AVIL: variants seen among roughly 807,000 people sequenced by gnomAD.
AVIL encodes advillin.
AVIL carries 78 observed loss-of-function variants against 109.9 expected under a neutral mutation model. That is an observed-to-expected ratio of 0.71 (90% CI 0.59 to 0.86). AVIL has a LOEUF of 0.86. AVIL is among the 40% of genes least tolerant of loss of function. The pLI is 0.00. For synonymous variants in AVIL, 367 were observed against 379.1 expected, an observed-to-expected ratio of 0.97 and a Z score of 0.37; for missense variants, 892 against 1,016.5, an observed-to-expected ratio of 0.88 and a Z score of 1.67.
chr12:57,808,406 A>G lies in AVIL; in HGVS notation c.1082T>C (p.Ile361Thr), dbSNP rs553609562. The change falls in exon 10 of 20, where the codon ATT becomes ACT. Residue 361 changes from isoleucine to threonine, a missense_variant. By Grantham distance (89) the Ile-to-Thr change is moderately conservative. Coordinates refer to ENST00000549994, the MANE Select transcript of AVIL (RefSeq NM_006576.4). ...GGGGGCAGTCTCACCAATTTTACCA[A>G]TGCTGAACGTTTTCCCCAGGCCCAT... ...QTMGLGKTFSIGKIAKVFQDK... is the reference protein window; with the variant it reads ...QTMGLGKTFSTGKIAKVFQDK... 25 of 1,614,142 alleles carry G rather than the reference A, an allele frequency of 1.5e-5. No homozygotes were observed. The highest frequency in any genetic ancestry group is 4.0e-5 in the African/African-American group (3 of 75,028).
intron 19 of AVIL, 30 bp downstream of exon 19, chr12:57,799,764 TC>T (rs1238003397): frequency 5.6e-6 from 9 of 1,612,800 alleles, no homozygotes; most frequent in Non-Finnish European, 6.8e-6. Context: ...GAGCTCCACT[TC>T]CAACAGACAC....
rs1282104924 is a variant in AVIL, at chr12:57,813,253, GAA to G, written c.310_311del (p.Phe104ProfsTer57). ...REVQYHESDT[F>X]RGYFKQGIIY... ...TGATGCCCTGCTTGAAGTAGCCACG[GAA>G]AGTGTCTGACTCATGGTACTGGACC... On this transcript the variant is annotated frameshift_variant, in exon 4 of 20. Transcript: ENST00000549994. LOFTEE classifies it high-confidence loss of function. 6.2e-7 allele frequency: 1 copy of G among 1,613,320 alleles called. No individual in the cohort carries two copies. Among genetic ancestry groups the G allele is most frequent in the Non-Finnish European group, 8.5e-7 (1 of 1,179,568 alleles).
intron 14 of AVIL, 84 bp downstream of exon 14, chr12:57,806,276 G>A (rs753933019): frequency 8.0e-6 from 12 of 1,497,742 alleles, no homozygotes; most frequent in Non-Finnish European, 1.1e-5. Flanking sequence ...CCTACTCTAG[G>A]TCCTTTGACC....
rs778577557 is a variant in AVIL, at chr12:57,803,504, G to T, written c.1817+20C>A. 2 of 1,614,106 alleles carry T rather than the reference G, an allele frequency of 1.2e-6. No individual in the cohort carries two copies. The highest frequency in any genetic ancestry group is 1.7e-5 in the Admixed American group (1 of 60,020). Reference sequence around the variant, plus strand: ...GCAGGCAGGGGGAGCCCAGAAGAGGGGGAGGCTGTGTTCCCATACCTTTTA... The same window carrying T: ...GCAGGCAGGGGGAGCCCAGAAGAGGTGGAGGCTGTGTTCCCATACCTTTTA... On this transcript the variant is annotated intron_variant, in intron 15 of 19. Transcript: ENST00000549994.
chr12:57,808,524 G>A lies in AVIL; in HGVS notation c.964C>T (p.Pro322Ser), dbSNP rs147969047. 1,005 of 1,614,060 alleles carry A rather than the reference G, an allele frequency of 6.2e-4. 7 individuals are homozygous for A. The African/African-American group carries it at 0.011, about 18-fold the overall frequency. Residue 322 changes from proline to serine, a missense_variant, in exon 10 of 20, where the codon CCC (proline) becomes TCC (serine). Physicochemically the swap from Pro to Ser is moderately conservative, Grantham distance 74 (BLOSUM62 -1). Coordinates refer to ENST00000549994, the MANE Select transcript of AVIL (RefSeq NM_006576.4). ...ACGGTCTCCACATTGGTGCTGCTGGGGTAGCTCTTCATCTTGATGAAGCCC... is the reference window on the plus strand; with the variant it reads ...ACGGTCTCCACATTGGTGCTGCTGGAGTAGCTCTTCATCTTGATGAAGCCC... ...ALGFIKMKSY[P>S]SSTNVETVND...
intron 4 of AVIL, among the ~76,000 whole-genome samples, chr12:57,811,805 A>C (rs1158554496): frequency 6.6e-6 from 1 of 152,098 alleles, no homozygotes; most frequent in Non-Finnish European, 1.5e-5. Context: ...TTTTTGTTTT[A>C]ATATCAGGGG....
At chr12:57,812,357 T>TTTTTG (rs375054932) in intron 4 of AVIL, among the ~76,000 whole-genome samples, 24 of 148,904 alleles carry the variant, frequency 1.6e-4, no homozygotes, top group African/African-American at 5.0e-4. Flanking sequence ...TGTGTGCATG[T>TTTTTG]TTTTGTTTTG....
chr12:57,814,549 G>T, intron 2 of AVIL: 1 of 282,204 alleles, frequency 3.5e-6, no homozygotes, highest in East Asian at 7.7e-5. Context: ...CCCTTTGCTG[G>T]ATATAAACGA....
chr12:57,802,240 G>T lies in AVIL; in HGVS notation c.2071C>A (p.Pro691Thr), dbSNP rs995870961. The change falls in exon 17 of 20, where the codon CCA becomes ACA. Residue 691 changes from proline (P) to threonine (T), a missense_variant. Coordinates refer to ENST00000549994, the MANE Select transcript of AVIL (RefSeq NM_006576.4). ...THPSGRDPDT[P>T]ILIIKQGFEP... The stretch of plus-strand genomic sequence containing the variant: ...AACCCCTGCTTAATGATCAGGATTG[G>T]TGTGTCGGGATCTCGGCCGCTGGGG... 6 of 1,614,076 alleles carry T rather than the reference G, an allele frequency of 3.7e-6. No individual in the cohort carries two copies. In the African/African-American group the frequency reaches 8.0e-5, roughly 22 times the overall value.
At position 57,810,916 on chromosome 12, in the gene AVIL, CT is replaced by C. The variant is rs761753108; in HGVS notation, c.457del (p.Ser153AlafsTer33). 6.2e-7 allele frequency: 1 copy of C among 1,614,110 alleles called. No homozygotes were observed. Among genetic ancestry groups the C allele is most frequent in the Non-Finnish European group, 8.5e-7 (1 of 1,180,044 alleles). On this transcript the variant is annotated frameshift_variant, in exon 6 of 20. Coordinates refer to ENST00000549994, the MANE Select transcript of AVIL (RefSeq NM_006576.4). LOFTEE classifies it high-confidence loss of function. ...ATCACCTCGGTTGAAACTGTCCCAG[CT>C]CATTTCCACCTGTCGATGAGAGGTA... is the stretch of plus-strand genomic sequence containing the variant. ...RNIRATEVEM[S>X]WDSFNRGDVF...
intron 11 of AVIL, 39 bp downstream of exon 11, chr12:57,808,155 C>T: frequency 6.2e-7 from 1 of 1,602,214 alleles, no homozygotes; most frequent in Non-Finnish European, 8.6e-7. Flanking sequence ...CCATGAAGGC[C>T]AGTGCTGTCT....
In AVIL at chr12:57,799,798, C is replaced by CT. The variant is rs1046816665; in HGVS notation, c.2342dup (p.Glu782GlyfsTer6). On this transcript the variant is annotated frameshift_variant, in exon 19 of 20. Coordinates refer to ENST00000549994, the MANE Select transcript of AVIL (RefSeq NM_006576.4). LOFTEE classifies it high-confidence loss of function. ...CACAGTTCCTTCAGCCACTCACCTC[C>CT]TTTTTGGCAGGGTTTACATCCTCAG... is the stretch of plus-strand genomic sequence containing the variant. The CT allele has an allele frequency of 1.2e-6, 2 of 1,613,842 alleles. No homozygotes were observed. The highest frequency in any genetic ancestry group is 2.7e-5 in the African/African-American group (2 of 74,894).
rs765357095 is a variant in AVIL, at chr12:57,808,394, C to G, written c.1093+1G>C. 6.2e-7 allele frequency: 1 copy of G among 1,614,156 alleles called. No homozygotes were observed. The highest frequency in any genetic ancestry group is 2.2e-5 in the East Asian group (1 of 44,888). ...AGAGGATGATCTGGGGGCAGTCTCA[C>G]CAATTTTACCAATGCTGAACGTTTT... On this transcript the variant is annotated splice_donor_variant, in intron 10 of 19. Coordinates refer to ENST00000549994, the MANE Select transcript of AVIL (RefSeq NM_006576.4). LOFTEE classifies it high-confidence loss of function.
intron 18 of AVIL, chr12:57,800,197 T>C: frequency 3.2e-6 from 1 of 315,712 alleles, no homozygotes; most frequent in Non-Finnish European, 5.9e-6. Flanking sequence ...CTGGATCTCA[T>C]TTGAATATTG....
chr12:57,808,733 G>A, intron 9 of AVIL, 185 bp from the exon 10 acceptor site: 1 of 665,442 alleles, frequency 1.5e-6, no homozygotes, highest in African/African-American at 1.8e-5. Flanking sequence ...ATGACTGAGT[G>A]GAACATTTTT....
At chr12:57,799,702 T>C in intron 19 of AVIL, 93 bp downstream of exon 19, 2 of 1,545,268 alleles carry the variant, frequency 1.3e-6, no homozygotes, top group Non-Finnish European at 1.8e-6. Flanking sequence ...GCGGCTACAA[T>C]GTGCCGGAGC....
chr12:57,810,982 A>C, intron 5 of AVIL, 37 bp downstream of exon 5: 1 of 1,612,604 alleles, frequency 6.2e-7, no homozygotes, highest in Non-Finnish European at 8.5e-7. Flanking sequence ...CAGGTGGAGA[A>C]GCCCCGGGCC....
intron 16 of AVIL, chr12:57,802,907 T>C: frequency 1.9e-6 from 1 of 535,916 alleles, no homozygotes; most frequent in Non-Finnish European, 3.3e-6. Flanking sequence ...AATAGTCTAC[T>C]GACTGCCTTT....
intron 9 of AVIL, 107 bp from the exon 10 acceptor site, chr12:57,808,655 C>T (rs888549804): frequency 2.1e-5 from 27 of 1,307,310 alleles, no homozygotes; most frequent in Non-Finnish European, 4.1e-6. Context: ...AGCGTCTCCC[C>T]TCTGGGAGTC....
Sources: allele counts gnomAD v4.1 joint callset (sites outside exome capture counted in the v4.1 genomes callset), GRCh38; gene constraint gnomAD v4.1.1; transcripts MANE v1.5; gene names NCBI Gene and HGNC (gene_info 2026-07-23, HGNC 2026-07-21).